Variants in CTNNA2 observed in about 807,000 individuals in gnomAD.
The protein encoded by CTNNA2 is catenin alpha-2.
Under a neutral mutation model 101.0 loss-of-function variants are expected in CTNNA2, and 42 were observed. The observed-to-expected ratio is 0.42, with a 90% CI of 0.32 to 0.54. The LOEUF (loss-of-function observed/expected upper bound fraction) is 0.54, where lower values mean the gene tolerates loss of function less well. Among genes scored for constraint, CTNNA2 ranks in the 20% least tolerant of loss-of-function variants. The pLI is 0.14. For missense variants in CTNNA2, 871 were observed against 1,223.1 expected, an observed-to-expected ratio of 0.71 and a Z score of 4.29; for synonymous variants, 450 against 456.4, an observed-to-expected ratio of 0.99 and a Z score of 0.18.
intron 6 of CTNNA2, among the ~76,000 whole-genome samples, chr2:79,879,404 C>A (rs1290643830): frequency 6.6e-6 from 1 of 151,946 alleles, no homozygotes; most frequent in Non-Finnish European, 1.5e-5. Flanking sequence ...ATAAATTACT[C>A]TGGGCAGTAT....
intron 3 of CTNNA2, among the ~76,000 whole-genome samples, chr2:79,815,778 T>C (rs903781043): frequency 3.3e-4 from 50 of 152,154 alleles, no homozygotes; most frequent in African/African-American, 1.2e-3. Context: ...TAGATTTTTT[T>C]TTTCTAATTC....
intron 9 of CTNNA2, among the ~76,000 whole-genome samples, chr2:80,420,442 T>C (rs1680427903): frequency 6.6e-6 from 1 of 152,190 alleles, no homozygotes; most frequent in Admixed American, 6.5e-5. Flanking sequence ...TTACAGGCTC[T>C]GAGCACTTAA....
At chr2:80,589,198 TA>T in intron 14 of CTNNA2, 105 bp from the exon 15 acceptor site, 1 of 1,149,774 alleles carries the variant, frequency 8.7e-7, no homozygotes, top group Non-Finnish European at 1.2e-6. Flanking sequence ...GGGTAGCTCA[TA>T]AGCCTTTGCA....
Position 80,519,134 on chromosome 2 carries a change from C to T in CTNNA2, c.1291-25848C>T, listed in dbSNP as rs556370809. ...TCTTTCTCTTTTGTGTGTGTGTGTACGTGTGTGTGTATGTATGTGTGATTT... is the reference window on the plus strand; with the variant it reads ...TCTTTCTCTTTTGTGTGTGTGTGTATGTGTGTGTGTATGTATGTGTGATTT... On this transcript the variant is annotated intron_variant, in intron 9 of 18. Transcript: ENST00000402739. 4.6e-5 allele frequency among the ~76,000 whole-genome samples: 7 copies of T among 150,938 alleles called. No individual in the cohort carries two copies. The South Asian group carries it at 6.3e-4, about 14-fold the overall frequency.
intron 9 of CTNNA2, among the ~76,000 whole-genome samples, chr2:80,508,604 C>T (rs1243092494): frequency 6.6e-6 from 1 of 151,432 alleles, no homozygotes; most frequent in Admixed American, 6.6e-5. Context: ...TCTGGATCAA[C>T]TCTTATCAGA....
At chr2:79,780,482 C>A (rs1406645749) in intron 3 of CTNNA2, among the ~76,000 whole-genome samples, 2 of 152,184 alleles carry the variant, frequency 1.3e-5, no homozygotes, top group African/African-American at 4.8e-5. Flanking sequence ...GGAATACAGA[C>A]CCCTCTGAGA....
intron 7 of CTNNA2, among the ~76,000 whole-genome samples, chr2:80,209,259 C>T (rs999438550): frequency 4.7e-5 from 7 of 149,900 alleles, no homozygotes; most frequent in East Asian, 3.9e-4. Flanking sequence ...TGAACTGCAG[C>T]GGCACGATCC....
At chr2:80,570,578 TAATGAATTG>T (rs1473976146) in intron 12 of CTNNA2, among the ~76,000 whole-genome samples, 13 of 152,284 alleles carry the variant, frequency 8.5e-5, no homozygotes, top group Non-Finnish European at 5.9e-5. Flanking sequence ...ACAGTAAATA[TAATGAATTG>T]AATGAGTTCG....
intron 7 of CTNNA2, among the ~76,000 whole-genome samples, chr2:80,242,787 G>T (rs1389113752): frequency 6.6e-6 from 1 of 152,028 alleles, no homozygotes; most frequent in African/African-American, 2.4e-5. Flanking sequence ...TGCCAGCCTG[G>T]GTCTGTTCTC....
At chr2:79,289,606 G>C (rs968688447) in intron 2 of CTNNA2, among the ~76,000 whole-genome samples, 1 of 152,082 alleles carries the variant, frequency 6.6e-6, no homozygotes, top group Non-Finnish European at 1.5e-5. Context: ...TTAGCCAGGC[G>C]TAGTGATGTG....
At chr2:79,974,065 C>T (rs963695091) in intron 7 of CTNNA2, among the ~76,000 whole-genome samples, 1 of 152,036 alleles carries the variant, frequency 6.6e-6, no homozygotes, top group Non-Finnish European at 1.5e-5. Flanking sequence ...GAGAGCCTTC[C>T]CTTTGTCGCC....
chr2:79,811,569 T>A (rs1187360727), intron 3 of CTNNA2, among the ~76,000 whole-genome samples: 1 of 152,208 alleles, frequency 6.6e-6, no homozygotes, highest in Non-Finnish European at 1.5e-5. Context: ...GAATGTGTTC[T>A]GTTGCATCAA....
intron 2 of CTNNA2, among the ~76,000 whole-genome samples, chr2:79,227,756 T>A (rs1480041912): frequency 1.3e-5 from 2 of 152,206 alleles, no homozygotes; most frequent in African/African-American, 2.4e-5. Context: ...AATCTTTTTT[T>A]AAAATTTCAA....
intron 3 of CTNNA2, among the ~76,000 whole-genome samples, chr2:79,810,624 C>T (rs1446999481): frequency 6.6e-6 from 1 of 151,378 alleles, no homozygotes; most frequent in Non-Finnish European, 1.5e-5. Context: ...TGTGCTGCAC[C>T]CATTAACTCA....
chr2:79,967,859 T>C (rs533375850), intron 7 of CTNNA2, among the ~76,000 whole-genome samples: 1 of 152,324 alleles, frequency 6.6e-6, no homozygotes, highest in Admixed American at 6.5e-5. Flanking sequence ...ATTGCGGTAA[T>C]GTTCTCTAGC....
At chr2:79,972,905 A>G (rs1690585471) in intron 7 of CTNNA2, among the ~76,000 whole-genome samples, 1 of 152,088 alleles carries the variant, frequency 6.6e-6, no homozygotes, top group South Asian at 2.1e-4. Context: ...TATCTTTGGA[A>G]AGCTTTTAGC....
chr2:79,830,129 T>C (rs1331121587), intron 3 of CTNNA2, among the ~76,000 whole-genome samples: 1 of 152,148 alleles, frequency 6.6e-6, no homozygotes, highest in Non-Finnish European at 1.5e-5. Context: ...TGGGAACCTC[T>C]GGGGTGCAAT....
chr2:80,226,964 A>G (rs1009278762), intron 7 of CTNNA2, among the ~76,000 whole-genome samples: 3 of 152,120 alleles, frequency 2.0e-5, no homozygotes, highest in Admixed American at 2.0e-4. Context: ...TTATAGAAGC[A>G]TGGGTATGTT....
intron 2 of CTNNA2, among the ~76,000 whole-genome samples, chr2:79,697,151 A>G (rs1358960596): frequency 6.6e-6 from 1 of 151,996 alleles, no homozygotes; most frequent in East Asian, 1.9e-4. Flanking sequence ...TTTAAATAGA[A>G]TTTACCAAAT....
Sources: gnomAD v4.1 joint callset for allele counts (sites outside exome capture counted in the v4.1 genomes callset) on GRCh38, gnomAD v4.1.1 for gene constraint, MANE v1.5 for transcripts, NCBI Gene and HGNC (gene_info 2026-07-23, HGNC 2026-07-21) for gene names.